Variants in TXLNG observed in about 807,000 individuals in gnomAD.
The protein encoded by TXLNG is taxilin gamma, also known as gamma-taxilin.
Under a neutral mutation model 38.8 loss-of-function variants are expected in TXLNG, and 5 were observed. The ratio of observed to expected loss-of-function variants is 0.13; its 90% confidence interval spans 0.07 to 0.27. The LOEUF is 0.27. TXLNG is among the 10% of genes least tolerant of loss of function. The pLI is 1.00. For synonymous variants in TXLNG, 182 were observed against 158.2 expected, an observed-to-expected ratio of 1.15 and a Z score of -1.13; for missense variants, 393 against 398.2, an observed-to-expected ratio of 0.99 and a Z score of 0.11.
intron 6 of TXLNG, among the ~76,000 whole-genome samples, chrX:16,833,632 C>T (rs1376369410): frequency 1.8e-5 from 2 of 111,733 alleles, no homozygotes; most frequent in African/African-American, 6.5e-5. Flanking sequence ...TATACACACA[C>T]ACACACACAC....
At chrX:16,841,063 GGC>G (rs750048612) in intron 9 of TXLNG, among the ~76,000 whole-genome samples, 19 of 108,901 alleles carry the variant, frequency 1.7e-4, no homozygotes, top group African/African-American at 5.4e-4. Flanking sequence ...GGCGTGGTGG[GGC>G]GCGCCTGTAG....
chrX:16,822,732 A>T (rs1929023125), intron 3 of TXLNG, among the ~76,000 whole-genome samples: 1 of 112,545 alleles, frequency 8.9e-6, no homozygotes, highest in Non-Finnish European at 1.9e-5. Context: ...TGTGACAATG[A>T]CAGACAGCCA....
chrX:16,825,158 T>C (rs1037623727), intron 3 of TXLNG, among the ~76,000 whole-genome samples: 1 of 111,998 alleles, frequency 8.9e-6, no homozygotes, highest in African/African-American at 3.2e-5. Flanking sequence ...AAAGAGATGT[T>C]CCACCTGATA....
chrX:16,841,506 A>T lies in TXLNG; in HGVS notation c.1327A>T (p.Thr443Ser). 8.3e-7 allele frequency: 1 copy of T among 1,211,926 alleles called. No homozygotes were observed. The highest frequency in any genetic ancestry group is 1.1e-6 in the Non-Finnish European group (1 of 895,535). ...AGAGAAGCTGTGCAGGGCTCTTCAGACAGAAAGGAATGAGCTCAATGAGAA... is the reference window on the plus strand; with the variant it reads ...AGAGAAGCTGTGCAGGGCTCTTCAGTCAGAAAGGAATGAGCTCAATGAGAA... ...RLEKLCRALQ[T>S]ERNELNEKVE... The change falls in exon 10 of 10, where the codon ACA (threonine) becomes TCA (serine). Residue 443 changes from threonine (T) to serine (S), a missense_variant. Coordinates refer to ENST00000380122, the MANE Select transcript of TXLNG (RefSeq NM_018360.3).
intron 2 of TXLNG, 41 bp downstream of exon 2, chrX:16,818,918 C>T: frequency 8.8e-7 from 1 of 1,139,017 alleles, no homozygotes; most frequent in South Asian, 2.1e-5. Context: ...ACATGCTAAT[C>T]ATTTTACTTG....
intron 3 of TXLNG, among the ~76,000 whole-genome samples, chrX:16,824,344 CAA>C (rs778537903): frequency 6.5e-5 from 6 of 91,752 alleles, no homozygotes; most frequent in Non-Finnish European, 8.8e-5. Context: ...ATGCTATCTC[CAA>C]AAAAAAAAAA....
rs753955097 is a variant in TXLNG, at chrX:16,841,816, T to G, written c.*50T>G. 1 of 1,123,484 alleles carries G rather than the reference T, an allele frequency of 8.9e-7. No homozygotes were observed. The highest frequency in any genetic ancestry group is 2.1e-5 in the South Asian group (1 of 47,925). 92.6% of individuals were successfully genotyped at this position (1,123,484 alleles called of 1,213,427 possible). On this transcript the variant is annotated 3_prime_UTR_variant, in exon 10 of 10. Transcript: ENST00000380122. ...GAGATATATTTTGTGTATAACTTTCTCTGTTAGTAGTTAACTATTGGTTTT... is the reference window on the plus strand; with the variant it reads ...GAGATATATTTTGTGTATAACTTTCGCTGTTAGTAGTTAACTATTGGTTTT...
chrX:16,786,744 T>TG (rs1287455362), intron 1 of TXLNG, among the ~76,000 whole-genome samples, 155 bp downstream of exon 1: 1,293 of 6,685 alleles, frequency 0.19, 12 homozygotes, highest in African/African-American at 0.31. Flanking sequence ...TGGGAGCAGG[T>TG]GGGGGGGGGT....
At chrX:16,827,980 A>T in intron 3 of TXLNG, 114 bp from the exon 4 acceptor site, 1 of 611,567 alleles carries the variant, frequency 1.6e-6, no homozygotes. Context: ...ATAATATATT[A>T]AACCATAGTA....
chrX:16,841,662 A>G lies in TXLNG; in HGVS notation c.1483A>G (p.Arg495Gly). The G allele has an allele frequency of 8.3e-7, 1 of 1,211,904 alleles. No homozygotes were observed. The highest frequency in any genetic ancestry group is 2.2e-5 in the Admixed American group (1 of 46,037). ...SHKELNTSSK[R>G]ALGAHLEAEP... ...CAAGGAGCTGAACACTTCCTCGAAA[A>G]GAGCCCTGGGAGCGCACCTGGAGGC... is the stretch of plus-strand genomic sequence containing the variant. Residue 495 changes from arginine to glycine, a missense_variant, in exon 10 of 10, where the codon AGA (arginine) becomes GGA (glycine). Coordinates refer to ENST00000380122, the MANE Select transcript of TXLNG (RefSeq NM_018360.3).
chrX:16,796,015 T>C (rs111797342), intron 1 of TXLNG, among the ~76,000 whole-genome samples: 1 of 109,850 alleles, frequency 9.1e-6, no homozygotes, highest in African/African-American at 3.3e-5. Flanking sequence ...GGTTTCATCA[T>C]GTTAGCCAAG....
intron 1 of TXLNG, among the ~76,000 whole-genome samples, chrX:16,797,270 C>A (rs1454698972): frequency 4.5e-5 from 4 of 88,623 alleles, no homozygotes; most frequent in Non-Finnish European, 9.0e-5. Flanking sequence ...GTCGACAGAG[C>A]AAGACTGTCT....
intron 1 of TXLNG, among the ~76,000 whole-genome samples, chrX:16,788,904 G>C (rs1404749292): frequency 9.0e-6 from 1 of 111,425 alleles, no homozygotes; most frequent in Non-Finnish European, 1.9e-5. Context: ...CTGGCCTCAG[G>C]TAAGCCACCC....
chrX:16,829,642 A>G lies in TXLNG; in HGVS notation c.736A>G (p.Ile246Val), dbSNP rs5969783. The change falls in exon 5 of 10, where the codon ATT becomes GTT. Residue 246 changes from isoleucine (I) to valine (V), a missense_variant. Coordinates refer to ENST00000380122, the MANE Select transcript of TXLNG (RefSeq NM_018360.3). ...TAAAGAAGCAACTGCACATTTCCAG[A>G]TTACCTTAAATGAAATTCAAGCCCA... The part of the protein sequence containing the change: ...RRKEATAHFQ[I>V]TLNEIQAQLE... 34,907 of 1,210,143 alleles carry G rather than the reference A, an allele frequency of 0.029. 460 individuals are homozygous for G. Among genetic ancestry groups the G allele is most frequent in the Non-Finnish European group, 0.033 (29,510 of 895,278 alleles).
intron 3 of TXLNG, among the ~76,000 whole-genome samples, chrX:16,827,336 C>G (rs1042221220): frequency 6.3e-5 from 7 of 111,871 alleles, no homozygotes; most frequent in African/African-American, 1.9e-4. Flanking sequence ...ACCCAGCAAA[C>G]AGCAATTCGG....
intron 3 of TXLNG, among the ~76,000 whole-genome samples, chrX:16,820,689 G>T (rs957812969): frequency 1.8e-5 from 2 of 112,696 alleles, no homozygotes; most frequent in African/African-American, 6.4e-5. Context: ...TACTTCTTTA[G>T]CATCTACTAT....
intron 1 of TXLNG, among the ~76,000 whole-genome samples, chrX:16,815,925 C>T (rs1056186436): frequency 6.3e-5 from 7 of 110,595 alleles, no homozygotes; most frequent in Non-Finnish European, 1.1e-4. Flanking sequence ...ATCTATGCGC[C>T]CAATTAGTAC....
intron 1 of TXLNG, among the ~76,000 whole-genome samples, chrX:16,816,821 A>G (rs1928761351): frequency 8.9e-6 from 1 of 112,181 alleles, no homozygotes; most frequent in Non-Finnish European, 1.9e-5. Context: ...ATAAATTGCA[A>G]CTTTTAAAAT....
At chrX:16,815,168 G>A (rs934702683) in intron 1 of TXLNG, among the ~76,000 whole-genome samples, 2 of 111,260 alleles carry the variant, frequency 1.8e-5, no homozygotes, top group Non-Finnish European at 3.8e-5. Flanking sequence ...TTCTATTCTC[G>A]TTTGTTTGTT....
Sources: gnomAD v4.1 joint callset for allele counts (sites outside exome capture counted in the v4.1 genomes callset) on GRCh38, gnomAD v4.1.1 for gene constraint, MANE v1.5 for transcripts, NCBI Gene and HGNC (gene_info 2026-07-23, HGNC 2026-07-21) for gene names.